Variants in CHRM3 observed in about 807,000 individuals in gnomAD.
The protein encoded by CHRM3 is cholinergic receptor muscarinic 3.
Under a neutral mutation model 41.8 loss-of-function variants are expected in CHRM3, and 11 were observed. The observed-to-expected ratio is 0.26, with a 90% CI of 0.17 to 0.44. The LOEUF (loss-of-function observed/expected upper bound fraction) is 0.44. Ranked by LOEUF, CHRM3 falls within the 20% of genes least tolerant of loss-of-function variation. The pLI is 1.00. For synonymous variants in CHRM3, 297 were observed against 301.4 expected (o/e 0.99, Z 0.15); for missense variants, 571 against 745.4 (o/e 0.77, Z 2.72).
At chr1:239,830,406 G>A (rs888611005) in intron 6 of CHRM3, among the ~76,000 whole-genome samples, 1 of 152,200 alleles carries the variant, frequency 6.6e-6, no homozygotes, top group East Asian at 1.9e-4. Context: ...AACACACATG[G>A]ATAAGAGTTG....
chr1:239,823,270 T>C (rs1447377936), intron 5 of CHRM3, among the ~76,000 whole-genome samples: 1 of 152,132 alleles, frequency 6.6e-6, no homozygotes, highest in Non-Finnish European at 1.5e-5. Context: ...AATGACATAA[T>C]CATATTCAAC....
At chr1:239,562,034 G>A (rs1339896997) in intron 3 of CHRM3, among the ~76,000 whole-genome samples, 1 of 152,122 alleles carries the variant, frequency 6.6e-6, no homozygotes, top group African/African-American at 2.4e-5. Flanking sequence ...CCTTGCATAC[G>A]TAAATTTTGT....
At chr1:239,736,456 A>C (rs1297049581) in intron 5 of CHRM3, among the ~76,000 whole-genome samples, 2 of 152,156 alleles carry the variant, frequency 1.3e-5, no homozygotes, top group African/African-American at 4.8e-5. Flanking sequence ...ATTTACCTTC[A>C]TGTCTACTTT....
At chr1:239,838,708 A>G (rs1673534702) in intron 6 of CHRM3, among the ~76,000 whole-genome samples, 1 of 152,192 alleles carries the variant, frequency 6.6e-6, no homozygotes, top group Non-Finnish European at 1.5e-5. Flanking sequence ...GGAATTTCCC[A>G]TGATATGGCA....
intron 1 of CHRM3, among the ~76,000 whole-genome samples, chr1:239,484,329 G>A (rs966393905): frequency 6.6e-6 from 1 of 152,082 alleles, no homozygotes; most frequent in African/African-American, 2.4e-5. Context: ...AAACAACCAG[G>A]TATTCCATGA....
chr1:239,740,701 A>C (rs1459753873), intron 5 of CHRM3, among the ~76,000 whole-genome samples: 1 of 152,092 alleles, frequency 6.6e-6, no homozygotes, highest in African/African-American at 2.4e-5. Flanking sequence ...TTATGTGGCC[A>C]ATAAACATGA....
chr1:239,678,939 A>C (rs928042585), intron 5 of CHRM3, among the ~76,000 whole-genome samples: 2 of 152,156 alleles, frequency 1.3e-5, no homozygotes, highest in African/African-American at 4.8e-5. Context: ...CACTATATAT[A>C]AATATGTCAG....
intron 5 of CHRM3, among the ~76,000 whole-genome samples, chr1:239,684,945 AT>A (rs916114004): frequency 2.6e-5 from 4 of 152,148 alleles, no homozygotes; most frequent in African/African-American, 7.2e-5. Flanking sequence ...GAGGACATGT[AT>A]TTAAAAGTAA....
intron 1 of CHRM3, among the ~76,000 whole-genome samples, chr1:239,395,442 G>A (rs888786825): frequency 2.0e-5 from 3 of 152,036 alleles, no homozygotes; most frequent in Non-Finnish European, 4.4e-5. Context: ...AATAAATCAA[G>A]TGATCTTGAT....
At chr1:239,646,316 A>G (rs1671733453) in intron 4 of CHRM3, among the ~76,000 whole-genome samples, 1 of 152,220 alleles carries the variant, frequency 6.6e-6, no homozygotes, top group African/African-American at 2.4e-5. Flanking sequence ...TGTATGAAAG[A>G]AGAGCTTGCA....
chr1:239,800,903 G>A (rs574330497), intron 5 of CHRM3, among the ~76,000 whole-genome samples: 4 of 9,092 alleles, frequency 4.4e-4, no homozygotes, highest in African/African-American at 4.9e-4. Flanking sequence ...AAAATGTAAG[G>A]GATTTTTTTT....
At chr1:239,811,590 C>G (rs553129567) in intron 5 of CHRM3, among the ~76,000 whole-genome samples, 4 of 152,150 alleles carry the variant, frequency 2.6e-5, no homozygotes, top group Non-Finnish European at 5.9e-5. Flanking sequence ...TACAATTCAC[C>G]AGAATAGAAT....
intron 5 of CHRM3, among the ~76,000 whole-genome samples, chr1:239,767,860 T>G (rs1391280441): frequency 6.6e-6 from 1 of 152,032 alleles, no homozygotes; most frequent in Non-Finnish European, 1.5e-5. Context: ...TCTGCAGTGA[T>G]GTGTGTGTGA....
chr1:239,914,935 G>C lies in CHRM3; in HGVS notation c.*5711G>C, dbSNP rs1452978545. 1.0e-4 allele frequency: 17 copies of C among 167,018 alleles called. No homozygotes were observed. Among genetic ancestry groups the C allele is most frequent in the Non-Finnish European group, 1.6e-4 (11 of 68,122 alleles). 10.3% of individuals were successfully genotyped at this position (167,018 alleles called of 1,614,324 possible). Reference sequence around the variant, plus strand: ...ATGTAACACTTCAAACTTCCTCTGGGCGTCTGCTTAGAGCTATGTGATGGC... The same window carrying C: ...ATGTAACACTTCAAACTTCCTCTGGCCGTCTGCTTAGAGCTATGTGATGGC... On this transcript the variant is annotated 3_prime_UTR_variant, in exon 7 of 7. Coordinates refer to ENST00000676153, the MANE Select transcript of CHRM3 (RefSeq NM_001375978.1).
At chr1:239,790,953 C>T (rs1483154750) in intron 5 of CHRM3, among the ~76,000 whole-genome samples, 1 of 149,456 alleles carries the variant, frequency 6.7e-6, no homozygotes, top group Non-Finnish European at 1.5e-5. Flanking sequence ...AAAATTTATT[C>T]ACAGAAAAAC....
intron 3 of CHRM3, among the ~76,000 whole-genome samples, chr1:239,554,240 G>T (rs970324124): frequency 1.3e-5 from 2 of 152,164 alleles, no homozygotes; most frequent in African/African-American, 4.8e-5. Context: ...TATCTGAAAA[G>T]AAAGTCATGT....
At chr1:239,733,827 C>A (rs575247550) in intron 5 of CHRM3, among the ~76,000 whole-genome samples, 78 of 152,128 alleles carry the variant, frequency 5.1e-4, no homozygotes, top group African/African-American at 1.9e-3. Flanking sequence ...CATCTGTTGT[C>A]AATCAGACAT....
chr1:239,432,538 A>C (rs982892305), intron 1 of CHRM3, among the ~76,000 whole-genome samples: 3 of 152,144 alleles, frequency 2.0e-5, no homozygotes, highest in Non-Finnish European at 2.9e-5. Flanking sequence ...GCTTTTGCTA[A>C]TTTGGGCTTA....
rs989801789 is a variant in CHRM3, at chr1:239,677,358, C to T, written c.-249-828C>T. Among the ~76,000 whole-genome samples the T allele has an allele frequency of 4.6e-5, 7 of 152,274 alleles. No individual in the cohort carries two copies. The East Asian group carries it at 9.6e-4, about 21-fold the overall frequency. On this transcript the variant is annotated intron_variant, in intron 4 of 6. Transcript: ENST00000676153. ...CTTGTTGCCATGAAATAAGTTGAAT[C>T]GGTAAAGTGGGTGATTCTTAAATTA...
Sources: gnomAD v4.1 joint callset for allele counts (sites outside exome capture counted in the v4.1 genomes callset) on GRCh38, gnomAD v4.1.1 for gene constraint, MANE v1.5 for transcripts, NCBI Gene and HGNC (gene_info 2026-07-23, HGNC 2026-07-21) for gene names.